Variants in ANO10 observed in about 807,000 individuals in gnomAD.
ANO10 encodes anoctamin 10, also known as anoctamin-10.
A neutral mutation model predicts 74.7 loss-of-function variants in ANO10; 77 were observed. The observed-to-expected ratio is 1.03, with a 90% CI of 0.86 to 1.25. The LOEUF is 1.25. Ranked by LOEUF, ANO10 falls within the 50% of genes most tolerant of loss-of-function variation. The pLI is 0.00. For synonymous variants in ANO10, 279 were observed against 284.9 expected (o/e 0.98, Z 0.21); for missense variants, 721 against 778.1 (o/e 0.93, Z 0.87).
intron 12 of ANO10, among the ~76,000 whole-genome samples, chr3:43,406,528 C>CAT (rs200474019): frequency 0.024 from 3,659 of 152,246 alleles, 151 homozygotes; most frequent in African/African-American, 0.082. Context: ...AGTATGAGCA[C>CAT]ATGGAGAACT....
chr3:43,582,574 A>G (rs1051404999), intron 4 of ANO10, among the ~76,000 whole-genome samples: 1 of 152,230 alleles, frequency 6.6e-6, no homozygotes, highest in Non-Finnish European at 1.5e-5. Flanking sequence ...TTAGACATGA[A>G]AAAGAAAAAG....
chr3:43,675,288 A>G (rs1308895866), intron 1 of ANO10, among the ~76,000 whole-genome samples: 1 of 152,218 alleles, frequency 6.6e-6, no homozygotes, highest in Admixed American at 6.5e-5. Flanking sequence ...AGAAAAAAAC[A>G]TAGGAGAAAC....
intron 11 of ANO10, among the ~76,000 whole-genome samples, chr3:43,524,278 C>T (rs534049290): frequency 0.046 from 143 of 3,134 alleles, no homozygotes; most frequent in Middle Eastern, 0.5. Flanking sequence ...TTGCTTCAAA[C>T]AAGCATTGTG....
intron 5 of ANO10, among the ~76,000 whole-genome samples, chr3:43,580,055 GGATT>G (rs1298709668): frequency 2.0e-5 from 3 of 151,386 alleles, no homozygotes; most frequent in South Asian, 2.1e-4. Flanking sequence ...TGAGATGGGA[GGATT>G]GATTAAGTCT....
Position 43,469,848 on chromosome 3 carries a change from TTAGA to T in ANO10, c.1798-37125_1798-37122del, listed in dbSNP as rs761098412. Among the ~76,000 whole-genome samples the T allele has an allele frequency of 4.7e-4, 71 of 152,354 alleles. 1 individual carries two copies. The highest frequency in any genetic ancestry group is 6.5e-4 in the Non-Finnish European group (44 of 68,040). On this transcript the variant is annotated intron_variant, in intron 11 of 12. Coordinates refer to ENST00000292246, the MANE Select transcript of ANO10 (RefSeq NM_018075.5). Reference sequence around the variant, plus strand: ...ATTTTAAATATAATCCAGCTCTTTCTTAGATAGACAGGAAGCTCCACGAGGCAAG... The same window carrying T: ...ATTTTAAATATAATCCAGCTCTTTCTTAGACAGGAAGCTCCACGAGGCAAG...
At chr3:43,445,990 C>T (rs2093239549) in intron 11 of ANO10, among the ~76,000 whole-genome samples, 1 of 152,138 alleles carries the variant, frequency 6.6e-6, no homozygotes, top group African/African-American at 2.4e-5. Context: ...CAAACCCAGC[C>T]TTTGTTCTGT....
chr3:43,558,055 C>G (rs562101453), intron 9 of ANO10, among the ~76,000 whole-genome samples: 1 of 146,422 alleles, frequency 6.8e-6, no homozygotes, highest in East Asian at 2.1e-4. Context: ...CAGTGAGCCA[C>G]TATTGCCACC....
At chr3:43,457,435 T>C in intron 11 of ANO10, among the ~76,000 whole-genome samples, 1 of 152,188 alleles carries the variant, frequency 6.6e-6, no homozygotes. Flanking sequence ...CAAGCACCTT[T>C]TTCAGAAGGC....
intron 11 of ANO10, among the ~76,000 whole-genome samples, chr3:43,464,728 CA>C (rs1205194102): frequency 1.3e-5 from 2 of 151,928 alleles, no homozygotes; most frequent in Non-Finnish European, 2.9e-5. Flanking sequence ...TAATATAATT[CA>C]ACACATTAAC....
At chr3:43,383,201 C>T (rs1221828664) in intron 12 of ANO10, among the ~76,000 whole-genome samples, 4 of 152,088 alleles carry the variant, frequency 2.6e-5, no homozygotes, top group Non-Finnish European at 5.9e-5. Context: ...TGTCTGTAAT[C>T]CCAGCACTTT....
At chr3:43,459,349 C>T in intron 11 of ANO10, among the ~76,000 whole-genome samples, 1 of 152,224 alleles carries the variant, frequency 6.6e-6, no homozygotes, top group Non-Finnish European at 1.5e-5. Context: ...TGGAGGATAA[C>T]CAAATTGAGC....
chr3:43,369,022 C>CA (rs2091510815), intron 12 of ANO10, among the ~76,000 whole-genome samples: 1 of 151,526 alleles, frequency 6.6e-6, no homozygotes, highest in South Asian at 2.1e-4. Flanking sequence ...CAGAAGCATC[C>CA]AGCAGCTCTC....
chr3:43,511,491 A>C (rs561204569), intron 11 of ANO10, among the ~76,000 whole-genome samples: 132 of 152,314 alleles, frequency 8.7e-4, no homozygotes, highest in Non-Finnish European at 1.7e-3. Flanking sequence ...ATAATCTTTT[A>C]TAAAATAAAC....
At chr3:43,666,760 TCC>T (rs2083997398) in intron 1 of ANO10, among the ~76,000 whole-genome samples, 1 of 152,182 alleles carries the variant, frequency 6.6e-6, no homozygotes, top group African/African-American at 2.4e-5. Flanking sequence ...AAGGGCTTGC[TCC>T]CTTCTAAGAG....
At chr3:43,553,183 T>C (rs2079566262) in intron 10 of ANO10, among the ~76,000 whole-genome samples, 1 of 152,214 alleles carries the variant, frequency 6.6e-6, no homozygotes. Context: ...AAATTGCCTG[T>C]CATTCTAATT....
intron 10 of ANO10, chr3:43,551,573 C>G (rs1483741828): frequency 2.2e-6 from 1 of 456,952 alleles, no homozygotes; most frequent in Non-Finnish European, 4.4e-6. Context: ...ACACCTGTGT[C>G]CAAACAAAAT....
At chr3:43,492,552 G>GCTAA (rs1261319962) in intron 11 of ANO10, among the ~76,000 whole-genome samples, 1 of 152,086 alleles carries the variant, frequency 6.6e-6, no homozygotes, top group Non-Finnish European at 1.5e-5. Flanking sequence ...CTGACAAAGG[G>GCTAA]CTAATATCCA....
At position 43,604,510 on chromosome 3, in the gene ANO10, T is replaced by TA. The variant is rs2082474560; in HGVS notation, c.139+1203_139+1204insT. On this transcript the variant is annotated intron_variant, in intron 2 of 12. Transcript: ENST00000292246. ...TTTGCTGCTCTTGTATCTTCTTTTT[T>TA]TTTTTTGGTCCATGTGACTTCGGTC... 1.3e-5 allele frequency among the ~76,000 whole-genome samples: 2 copies of TA among 152,148 alleles called. 1 individual carries two copies. The highest frequency in any genetic ancestry group is 4.1e-4 in the South Asian group (2 of 4,832).
intron 11 of ANO10, among the ~76,000 whole-genome samples, chr3:43,521,558 A>T (rs947368078): frequency 1.3e-5 from 2 of 152,226 alleles, no homozygotes; most frequent in Admixed American, 6.5e-5. Flanking sequence ...CAACATCAGT[A>T]ATCACTGGGG....
Sources: gnomAD v4.1 joint callset for allele counts (sites outside exome capture counted in the v4.1 genomes callset) on GRCh38, gnomAD v4.1.1 for gene constraint, MANE v1.5 for transcripts, NCBI Gene and HGNC (gene_info 2026-07-23, HGNC 2026-07-21) for gene names.